ZNF461: variants seen among roughly 807,000 people sequenced by gnomAD.
The protein encoded by ZNF461 is gonadotropin-inducible ovarian transcription factor-1.
ZNF461 carries 16 observed loss-of-function variants against 18.3 expected under a neutral mutation model. That is an observed-to-expected ratio of 0.88 (90% CI 0.59 to 1.33). The LOEUF (loss-of-function observed/expected upper bound fraction) is 1.33, where lower values mean the gene tolerates loss of function less well. Ranked by LOEUF, ZNF461 falls within the 40% of genes most tolerant of loss-of-function variation. The probability of loss-of-function intolerance (pLI) is 0.00; values close to 1 mark genes in which losing one functional copy is unlikely to be tolerated. For missense variants in ZNF461, 595 were observed against 669.9 expected, an observed-to-expected ratio of 0.89 and a Z score of 1.23; for synonymous variants, 179 against 216.9, an observed-to-expected ratio of 0.83 and a Z score of 1.54.
chr19:36,651,002 C>T (rs2037615644), intron 4 of ZNF461, among the ~76,000 whole-genome samples: 5 of 151,422 alleles, frequency 3.3e-5, no homozygotes, highest in Admixed American at 2.6e-4. Flanking sequence ...GAGGCTGAGG[C>T]GGGTGGATCA....
rs1381653029 is a variant in ZNF461 at position 36,637,858 on chromosome 19, T to C, written c.*795A>G. The C allele has an allele frequency of 2.3e-6, 1 of 433,668 alleles. No homozygotes were observed. Among genetic ancestry groups the C allele is most frequent in the Non-Finnish European group, 4.6e-6 (1 of 217,474 alleles). The allele number at this position is 433,668 out of a possible 1,614,324, so 26.9% of individuals were successfully genotyped here. ...GTTGCATCTGTGGAAAGTGAGTGGCTACAGAACTGGATGTTAGGGGAGAAT... is the reference window on the plus strand; with the variant it reads ...GTTGCATCTGTGGAAAGTGAGTGGCCACAGAACTGGATGTTAGGGGAGAAT... On this transcript the variant is annotated 3_prime_UTR_variant, in exon 6 of 6. Coordinates refer to ENST00000588268, the MANE Select transcript of ZNF461 (RefSeq NM_153257.5).
intron 3 of ZNF461, 55 bp from the exon 4 acceptor site, chr19:36,656,598 G>C: frequency 2.9e-6 from 4 of 1,378,776 alleles, no homozygotes; most frequent in Non-Finnish European, 4.1e-6. Flanking sequence ...TCCAAATACA[G>C]TGATTTAGAA....
At chr19:36,643,095 C>T (rs2037457178) in intron 5 of ZNF461, among the ~76,000 whole-genome samples, 1 of 152,084 alleles carries the variant, frequency 6.6e-6, no homozygotes, top group South Asian at 2.1e-4. Context: ...ACAACCACTA[C>T]ACTCATACAC....
At chr19:36,659,370 T>TG (rs2037779239) in intron 2 of ZNF461, among the ~76,000 whole-genome samples, 1 of 152,230 alleles carries the variant, frequency 6.6e-6, no homozygotes, top group South Asian at 2.1e-4. Context: ...TACTAAATTT[T>TG]GGGTTGGTTT....
intron 4 of ZNF461, among the ~76,000 whole-genome samples, chr19:36,655,275 T>C (rs1164977516): frequency 6.6e-6 from 1 of 151,930 alleles, no homozygotes; most frequent in East Asian, 1.9e-4. Context: ...AGATTACAGG[T>C]GTGAGCCACT....
intron 4 of ZNF461, among the ~76,000 whole-genome samples, chr19:36,656,013 T>A (rs935971455): frequency 9.6e-5 from 14 of 146,144 alleles, no homozygotes; most frequent in Non-Finnish European, 1.4e-4. Context: ...TTTTTTTTTT[T>A]TTGAGACGGA....
intron 5 of ZNF461, 120 bp downstream of exon 5, chr19:36,643,674 C>T (rs2037469341): frequency 1.1e-6 from 1 of 902,308 alleles, no homozygotes; most frequent in Non-Finnish European, 1.5e-6. Context: ...TTATGTATTT[C>T]TGTGTGTTCT....
chr19:36,660,420 G>A (rs981425978), intron 2 of ZNF461, among the ~76,000 whole-genome samples: 3 of 151,852 alleles, frequency 2.0e-5, no homozygotes, highest in African/African-American at 7.3e-5. Context: ...AAAGTGCTGG[G>A]ATTACAGGCA....
intron 4 of ZNF461, among the ~76,000 whole-genome samples, chr19:36,649,155 C>T (rs565344823): frequency 6.6e-6 from 1 of 152,094 alleles, no homozygotes; most frequent in Non-Finnish European, 1.5e-5. Context: ...CTGAAAATCA[C>T]TTCTCATACC....
Position 36,638,570 on chromosome 19 carries a change from TA to T in ZNF461, c.*82del. 9.7e-7 allele frequency: 1 copy of T among 1,031,670 alleles called. No individual in the cohort carries two copies. Among genetic ancestry groups the T allele is most frequent in the Non-Finnish European group, 1.4e-6 (1 of 735,576 alleles). 63.9% of individuals were successfully genotyped at this position (1,031,670 alleles called of 1,614,324 possible). On this transcript the variant is annotated 3_prime_UTR_variant, in exon 6 of 6. Transcript: ENST00000588268. ...ATTTGATTTTCAAGGATTATTTAAATAAATAAATACTAATGAAACTGGTGGC... is the reference window on the plus strand; with the variant it reads ...ATTTGATTTTCAAGGATTATTTAAATAATAAATACTAATGAAACTGGTGGC...
At chr19:36,650,961 GT>G (rs897032869) in intron 4 of ZNF461, among the ~76,000 whole-genome samples, 1 of 151,410 alleles carries the variant, frequency 6.6e-6, no homozygotes, top group Non-Finnish European at 1.5e-5. Context: ...GCCGGGCGTG[GT>G]GTCTCACGCC....
intron 1 of ZNF461, among the ~76,000 whole-genome samples, chr19:36,665,927 A>T (rs1202670013): frequency 6.6e-6 from 1 of 151,926 alleles, no homozygotes; most frequent in Non-Finnish European, 1.5e-5. Context: ...TGAGAGATGG[A>T]TGAATGACAG....
In ZNF461 at chr19:36,664,784, T is replaced by C. The variant is rs557957293; in HGVS notation, c.-78A>G. 23 of 1,172,586 alleles carry C rather than the reference T, an allele frequency of 2.0e-5. No homozygotes were observed. In the East Asian group the frequency reaches 6.2e-4, roughly 31 times the overall value. 72.6% of individuals were successfully genotyped at this position (1,172,586 alleles called of 1,614,324 possible). ...GAAGAAACTCAATCCAAAGAAGGTGTTGCTGGGAGAGAGGGGAGTTAAAAA... is the reference window on the plus strand; with the variant it reads ...GAAGAAACTCAATCCAAAGAAGGTGCTGCTGGGAGAGAGGGGAGTTAAAAA... On this transcript the variant is annotated splice_region_variant and 5_prime_UTR_variant, in exon 2 of 6. Transcript: ENST00000588268.
intron 2 of ZNF461, 76 bp downstream of exon 2, chr19:36,664,622 C>A (rs1403630004): frequency 3.1e-5 from 37 of 1,177,200 alleles, no homozygotes; most frequent in Non-Finnish European, 4.1e-5. Context: ...TAGTCACATG[C>A]CCTATACAAA....
intron 2 of ZNF461, among the ~76,000 whole-genome samples, chr19:36,660,068 T>G (rs970110864): frequency 5.3e-5 from 8 of 152,108 alleles, no homozygotes; most frequent in African/African-American, 1.9e-4. Flanking sequence ...TGGCTTTTTT[T>G]TTCTCCCACA....
At chr19:36,659,575 A>T (rs538451249) in intron 2 of ZNF461, among the ~76,000 whole-genome samples, 1 of 152,240 alleles carries the variant, frequency 6.6e-6, no homozygotes, top group East Asian at 1.9e-4. Flanking sequence ...ACCTAGCCTC[A>T]TTTAATCTTA....
At position 36,638,426 on chromosome 19, in the gene ZNF461, GAAAATTTATTCTCAATAAA is replaced by G. The variant is rs1194292573; in HGVS notation, c.*208_*226del. 20 of 355,592 alleles carry G rather than the reference GAAAATTTATTCTCAATAAA, an allele frequency of 5.6e-5. No individual in the cohort carries two copies. The highest frequency in any genetic ancestry group is 1.8e-4 in the East Asian group (4 of 22,764). The allele number at this position is 355,592 out of a possible 1,614,324, so 22.0% of individuals were successfully genotyped here. ...GGTTTCAGTGAAACATGTAATTTTAGAAAATTTATTCTCAATAAAAAAATTTATTCTCAATAATGGTTAA... is the reference window on the plus strand; with the variant it reads ...GGTTTCAGTGAAACATGTAATTTTAGAAAATTTATTCTCAATAATGGTTAA... On this transcript the variant is annotated 3_prime_UTR_variant, in exon 6 of 6. Transcript: ENST00000588268.
chr19:36,648,105 C>A (rs914148426), intron 4 of ZNF461, among the ~76,000 whole-genome samples: 1 of 151,694 alleles, frequency 6.6e-6, no homozygotes, highest in East Asian at 1.9e-4. Flanking sequence ...CGCTTGAAAC[C>A]GAGGTGGAGG....
At chr19:36,644,583 T>TC (rs1160529717) in intron 4 of ZNF461, among the ~76,000 whole-genome samples, 2 of 150,952 alleles carry the variant, frequency 1.3e-5, no homozygotes, top group East Asian at 2.0e-4. Context: ...TTTTGTGTTT[T>TC]TTTTTGTTTT....
Sources: gnomAD v4.1 joint callset for allele counts (sites outside exome capture counted in the v4.1 genomes callset) on GRCh38, gnomAD v4.1.1 for gene constraint, MANE v1.5 for transcripts, NCBI Gene and HGNC (gene_info 2026-07-23, HGNC 2026-07-21) for gene names.